The following MCPH1 variants were observed in gnomAD, a reference collection of about 807,000 sequenced individuals.
MCPH1 encodes the protein microcephalin.
Under a neutral mutation model 84.5 loss-of-function variants are expected in MCPH1, and 104 were observed. The ratio of observed to expected loss-of-function variants is 1.23; its 90% CI spans 1.05 to 1.45. The LOEUF (loss-of-function observed/expected upper bound fraction) is 1.45. Among genes scored for constraint, MCPH1 ranks in the 40% most tolerant of loss-of-function variants. The probability of loss-of-function intolerance (pLI) is 0.00; values close to 1 mark genes in which losing one functional copy is unlikely to be tolerated. For synonymous variants in MCPH1, 514 were observed against 366.8 expected, an observed-to-expected ratio of 1.40 and a Z score of -4.58; for missense variants, 1,498 against 1,005.7, an observed-to-expected ratio of 1.49 and a Z score of -6.62.
At chr8:6,579,186 G>A (rs2129576917) in intron 12 of MCPH1, among the ~76,000 whole-genome samples, 1 of 152,320 alleles carries the variant, frequency 6.6e-6, no homozygotes, top group Middle Eastern at 3.4e-3. Flanking sequence ...GTAGCCTCTA[G>A]CCCTCTTCAT....
intron 3 of MCPH1, among the ~76,000 whole-genome samples, chr8:6,418,854 G>C (rs1799709673): frequency 6.6e-6 from 1 of 152,122 alleles, no homozygotes. Flanking sequence ...TACTGGGATT[G>C]TAGGCGTGAG....
At chr8:6,417,931 T>A (rs759198932) in intron 3 of MCPH1, among the ~76,000 whole-genome samples, 1 of 152,200 alleles carries the variant, frequency 6.6e-6, no homozygotes, top group Non-Finnish European at 1.5e-5. Context: ...GCAAAGAGCA[T>A]GAGGTTTTTG....
chr8:6,637,537 A>G (rs1736772876), intron 13 of MCPH1, among the ~76,000 whole-genome samples: 1 of 152,236 alleles, frequency 6.6e-6, no homozygotes, highest in South Asian at 2.1e-4. Flanking sequence ...ATTCCAGACC[A>G]CTGACACCTT....
intron 9 of MCPH1, among the ~76,000 whole-genome samples, chr8:6,469,980 C>T (rs1052548320): frequency 2.0e-5 from 3 of 152,126 alleles, no homozygotes; most frequent in African/African-American, 7.2e-5. Context: ...CTCTGATTGC[C>T]TTTGGATGCG....
chr8:6,592,820 A>ATTTTTTTTT (rs67091563), intron 12 of MCPH1, among the ~76,000 whole-genome samples: 1 of 134,308 alleles, frequency 7.4e-6, no homozygotes. Flanking sequence ...ACACCTGGCA[A>ATTTTTTTTT]TTTTTTTTTT....
chr8:6,439,529 C>T (rs540475047), intron 6 of MCPH1, among the ~76,000 whole-genome samples: 17 of 151,154 alleles, frequency 1.1e-4, no homozygotes, highest in African/African-American at 3.4e-4. Context: ...GGATTACAGG[C>T]GCCTGTCACC....
At chr8:6,418,828 C>A (rs992022196) in intron 3 of MCPH1, among the ~76,000 whole-genome samples, 4 of 152,150 alleles carry the variant, frequency 2.6e-5, no homozygotes, top group African/African-American at 9.7e-5. Context: ...GATCTGCCTG[C>A]CTCAGCCTCC....
chr8:6,548,030 TG>T (rs2129574631), intron 12 of MCPH1, among the ~76,000 whole-genome samples: 1 of 152,244 alleles, frequency 6.6e-6, no homozygotes, highest in South Asian at 2.1e-4. Context: ...CACATTTAAG[TG>T]GTCCAAGTGC....
chr8:6,518,747 A>G (rs1003237820), intron 12 of MCPH1, among the ~76,000 whole-genome samples: 1 of 152,196 alleles, frequency 6.6e-6, no homozygotes, highest in Non-Finnish European at 1.5e-5. Flanking sequence ...GTGTTGGTTC[A>G]ATATGTAGCT....
intron 8 of MCPH1, among the ~76,000 whole-genome samples, chr8:6,448,447 G>A (rs1445783542): frequency 1.3e-5 from 2 of 152,214 alleles, no homozygotes; most frequent in South Asian, 2.1e-4. Context: ...GACAAGGCGG[G>A]CAGCTGTTTT....
rs1289298417 is a variant in MCPH1, at chr8:6,621,992, C to T, written c.2452+301C>T. ...AGCCACCCCGGGCCACCCCTGTGGG[C>T]ACAGACTCTCCGGGCACCCCTCTTA... On this transcript the variant is annotated intron_variant, in intron 13 of 13. Transcript: ENST00000344683. 5 of 433,276 alleles carry T rather than the reference C, an allele frequency of 1.2e-5. No homozygotes were observed. In the Admixed American group the frequency reaches 1.5e-4, roughly 13 times the overall value. 26.8% of individuals were successfully genotyped at this position (433,276 alleles called of 1,614,324 possible).
chr8:6,408,857 T>G (rs1272033537), intron 1 of MCPH1, among the ~76,000 whole-genome samples: 1 of 151,584 alleles, frequency 6.6e-6, no homozygotes, highest in Non-Finnish European at 1.5e-5. Context: ...CCACCACACC[T>G]GGCCAGTAGA....
chr8:6,495,337 T>A (rs1811110411), intron 11 of MCPH1, among the ~76,000 whole-genome samples: 1 of 152,226 alleles, frequency 6.6e-6, no homozygotes. Context: ...ACCTGCCCCT[T>A]GTCATAAATC....
chr8:6,412,318 CAAGT>C (rs1223025204), intron 2 of MCPH1, among the ~76,000 whole-genome samples: 2 of 152,344 alleles, frequency 1.3e-5, no homozygotes, highest in East Asian at 3.9e-4. Flanking sequence ...AGCCGTTAGA[CAAGT>C]GAGTTGACAA....
intron 5 of MCPH1, among the ~76,000 whole-genome samples, chr8:6,436,824 G>A (rs1418923264): frequency 6.6e-6 from 1 of 151,914 alleles, no homozygotes; most frequent in Non-Finnish European, 1.5e-5. Context: ...AAAAAAATTA[G>A]CTGGGAGTGG....
intron 13 of MCPH1, among the ~76,000 whole-genome samples, chr8:6,627,812 G>T (rs1397263788): frequency 6.6e-6 from 1 of 152,256 alleles, no homozygotes; most frequent in South Asian, 2.1e-4. Context: ...GATCACCTGA[G>T]CTCAGGGAGG....
intron 3 of MCPH1, among the ~76,000 whole-genome samples, chr8:6,415,545 G>T (rs1250352995): frequency 6.6e-6 from 1 of 151,910 alleles, no homozygotes; most frequent in African/African-American, 2.4e-5. Flanking sequence ...GTAGAGACGG[G>T]GTTTTATCAT....
chr8:6,573,127 G>A (rs577207956), intron 12 of MCPH1, among the ~76,000 whole-genome samples: 10 of 152,252 alleles, frequency 6.6e-5, no homozygotes, highest in East Asian at 1.9e-4. Flanking sequence ...TCGGAGATGC[G>A]GTCTGGAACT....
intron 12 of MCPH1, among the ~76,000 whole-genome samples, chr8:6,595,095 G>C (rs902544837): frequency 6.6e-6 from 1 of 152,176 alleles, no homozygotes; most frequent in Non-Finnish European, 1.5e-5. Flanking sequence ...AAATCACTTT[G>C]TCTTTGGGAA....
Sources: allele counts gnomAD v4.1 joint callset (sites outside exome capture counted in the v4.1 genomes callset), GRCh38; gene constraint gnomAD v4.1.1; transcripts MANE v1.5; gene names NCBI Gene and HGNC (gene_info 2026-07-23, HGNC 2026-07-21).